CARD10: variants seen among roughly 807,000 people sequenced by gnomAD.
CARD10 encodes the protein caspase recruitment domain-containing protein 10.
In CARD10, 49 loss-of-function variants were observed where a neutral mutation model predicts 114.6. That is an observed-to-expected ratio of 0.43 (90% CI 0.34 to 0.54). The LOEUF is 0.54. Among genes scored for constraint, CARD10 ranks in the 20% least tolerant of loss-of-function variants. The pLI is 0.03. For synonymous variants in CARD10, 602 were observed against 593.2 expected, an observed-to-expected ratio of 1.01 and a Z score of -0.21; for missense variants, 1,206 against 1,397.2, an observed-to-expected ratio of 0.86 and a Z score of 2.18.
chr22:37,491,718 C>T (rs746920138), intron 19 of CARD10, 37 bp downstream of exon 19: 12 of 1,145,786 alleles, frequency 1.0e-5, no homozygotes, highest in Admixed American at 9.6e-5. Context: ...CTCTCAGGTC[C>T]GAGTGCCCTG....
chr22:37,508,046 TCA>T, intron 5 of CARD10, 92 bp from the exon 6 acceptor site: 4 of 1,481,418 alleles, frequency 2.7e-6, no homozygotes, highest in Non-Finnish European at 3.7e-6. Context: ...TGAGAGACGC[TCA>T]CCAACAGTCT....
At chr22:37,503,136 ACCTCCC>A (rs1168677031) in intron 10 of CARD10, 43 bp downstream of exon 10, 1 of 1,595,376 alleles carries the variant, frequency 6.3e-7, no homozygotes, top group Admixed American at 1.7e-5. Flanking sequence ...CTGCAAAGCC[ACCTCCC>A]CCGACCAGAG....
At chr22:37,506,143 C>T in intron 7 of CARD10, 49 bp downstream of exon 7, 1 of 1,405,734 alleles carries the variant, frequency 7.1e-7, no homozygotes, top group Non-Finnish European at 9.4e-7. Context: ...GAGCTCCTGC[C>T]AGGACCCCAG....
chr22:37,509,568 G>A (rs1923538671), intron 4 of CARD10, among the ~76,000 whole-genome samples: 1 of 148,778 alleles, frequency 6.7e-6, no homozygotes, highest in African/African-American at 2.5e-5. Flanking sequence ...TGTTTTCCGG[G>A]TCTGACCCCC....
intron 3 of CARD10, chr22:37,511,818 G>A (rs902936557): frequency 2.0e-5 from 3 of 152,238 alleles, no homozygotes; most frequent in Non-Finnish European, 4.4e-5. Context: ...CTCCACTCCA[G>A]AAGATTTGGC....
chr22:37,498,307 A>T (rs1351797669), intron 11 of CARD10, among the ~76,000 whole-genome samples: 1 of 152,074 alleles, frequency 6.6e-6, no homozygotes, highest in East Asian at 1.9e-4. Flanking sequence ...GACAATTAAG[A>T]CGTCACCAAA....
chr22:37,496,992 C>A lies in CARD10; in HGVS notation c.1947+27G>T, dbSNP rs768110180. ...CCTGGGCAAAAGCACTGACCCTACCCCCCCAGCTCAGGAGGCAGGGCCTCA... is the reference window on the plus strand; with the variant it reads ...CCTGGGCAAAAGCACTGACCCTACCACCCCAGCTCAGGAGGCAGGGCCTCA... On this transcript the variant is annotated intron_variant, in intron 12 of 19. Coordinates refer to ENST00000251973, the MANE Select transcript of CARD10 (RefSeq NM_014550.4). The surrounding 1 kb of genome is among the most constrained non-coding windows in gnomAD (Gnocchi z 4.1). 1 of 1,574,546 alleles carries A rather than the reference C, an allele frequency of 6.4e-7. No homozygotes were observed. Among genetic ancestry groups the A allele is most frequent in the Non-Finnish European group, 8.6e-7 (1 of 1,162,286 alleles).
In CARD10 at chr22:37,496,781, C is replaced by A; in HGVS notation, c.1948-221G>T. On this transcript the variant is annotated intron_variant, in intron 12 of 19. Coordinates refer to ENST00000251973, the MANE Select transcript of CARD10 (RefSeq NM_014550.4). The surrounding 1 kb of genome is among the most constrained non-coding windows in gnomAD (Gnocchi z 4.1). ...CCGCCCAGCTCATCCAGGTCTTTCTCGACTTGAAGCGCAGGAATGTAACGT... is the reference window on the plus strand; with the variant it reads ...CCGCCCAGCTCATCCAGGTCTTTCTAGACTTGAAGCGCAGGAATGTAACGT... The A allele has an allele frequency of 1.6e-6, 1 of 633,176 alleles. No homozygotes were observed. The highest frequency in any genetic ancestry group is 2.0e-5 in the South Asian group (1 of 50,816). 39.2% of individuals were successfully genotyped at this position (633,176 alleles called of 1,614,324 possible).
At chr22:37,491,719 G>T in intron 19 of CARD10, 36 bp downstream of exon 19, 2 of 1,295,030 alleles carry the variant, frequency 1.5e-6, no homozygotes, top group South Asian at 2.4e-5. Flanking sequence ...TCTCAGGTCC[G>T]AGTGCCCTGC....
Position 37,490,527 on chromosome 22 carries a change from T to C in CARD10, c.*632A>G, listed in dbSNP as rs898136022. The C allele has an allele frequency of 6.6e-6, 1 of 151,866 alleles. No individual in the cohort carries two copies. The highest frequency in any genetic ancestry group is 1.5e-5 in the Non-Finnish European group (1 of 68,008). 9.4% of individuals were successfully genotyped at this position (151,866 alleles called of 1,614,324 possible). On this transcript the variant is annotated 3_prime_UTR_variant, in exon 20 of 20. Transcript: ENST00000251973. ...GGGCCCTGTGAGGCACGGTCCTGAGTGTGCCCGCCAGGAACGCACACGTGT... is the reference window on the plus strand; with the variant it reads ...GGGCCCTGTGAGGCACGGTCCTGAGCGTGCCCGCCAGGAACGCACACGTGT...
At chr22:37,511,079 C>T (rs1923621746) in intron 3 of CARD10, among the ~76,000 whole-genome samples, 2 of 99,460 alleles carry the variant, frequency 2.0e-5, no homozygotes, top group South Asian at 6.5e-4. Context: ...AAGACTCTGT[C>T]TCAAAAAAAA....
In CARD10 at chr22:37,492,987, T is replaced by C. The variant is rs5756697; in HGVS notation, c.2477-185A>G. On this transcript the variant is annotated intron_variant, in intron 16 of 19. Coordinates refer to ENST00000251973, the MANE Select transcript of CARD10 (RefSeq NM_014550.4). The surrounding 1 kb of genome is among the most constrained non-coding windows in gnomAD (Gnocchi z 5.7). ...GGCAGTAGGCTCCTCCCTGATTCTC[T>C]GCCTCATCCCTGCCCCCTACGGGTC... is the stretch of plus-strand genomic sequence containing the variant. Among the ~76,000 whole-genome samples, 14,953 of 152,124 alleles carry C rather than the reference T, an allele frequency of 0.098. 881 individuals are homozygous for C. Among genetic ancestry groups the C allele is most frequent in the East Asian group, 0.26 (1,334 of 5,164 alleles).
At chr22:37,499,179 C>G (rs897510389) in intron 11 of CARD10, among the ~76,000 whole-genome samples, 1 of 152,048 alleles carries the variant, frequency 6.6e-6, no homozygotes. Flanking sequence ...TCAGATGGTC[C>G]GAGAAGCACA....
chr22:37,518,950 G>C lies in CARD10; in HGVS notation c.235+16C>G, dbSNP rs748062603. On this transcript the variant is annotated intron_variant, in intron 1 of 19. Coordinates refer to ENST00000251973, the MANE Select transcript of CARD10 (RefSeq NM_014550.4). Reference sequence around the variant, plus strand: ...GGCCGGCCCAGGTCGTGGCCCACTCGGGACCCGCGGCTCACCGGTGCGGTT... The same window carrying C: ...GGCCGGCCCAGGTCGTGGCCCACTCCGGACCCGCGGCTCACCGGTGCGGTT... 1 of 1,514,876 alleles carries C rather than the reference G, an allele frequency of 6.6e-7. No individual in the cohort carries two copies. The highest frequency in any genetic ancestry group is 1.2e-5 in the South Asian group (1 of 82,294). The allele number at this position is 1,514,876 out of a possible 1,614,324, so 93.8% of individuals were successfully genotyped here.
At chr22:37,516,406 C>G in intron 2 of CARD10, 108 bp from the exon 3 acceptor site, 1 of 765,508 alleles carries the variant, frequency 1.3e-6, no homozygotes, top group South Asian at 2.2e-5. Flanking sequence ...GAGGGAAATT[C>G]TGGAATATAT....
intron 6 of CARD10, 28 bp downstream of exon 6, chr22:37,507,801 G>A: frequency 2.5e-6 from 4 of 1,613,768 alleles, no homozygotes; most frequent in Non-Finnish European, 3.4e-6. Context: ...AACTGGCCCA[G>A]GGCCTCGTAC....
chr22:37,497,276 T>C, intron 11 of CARD10, 98 bp from the exon 12 acceptor site: 2 of 1,291,380 alleles, frequency 1.5e-6, no homozygotes, highest in Non-Finnish European at 2.1e-6. Context: ...TTCCCAAGTA[T>C]GCCATGACTC....
chr22:37,492,752 A>G lies in CARD10; in HGVS notation c.2527T>C (p.Ser843Pro). Residue 843 changes from serine to proline, a missense_variant, in exon 17 of 20, where the codon TCT becomes CCT. Coordinates refer to ENST00000251973, the MANE Select transcript of CARD10 (RefSeq NM_014550.4). The surrounding 1 kb of genome is among the most constrained non-coding windows in gnomAD (Gnocchi z 5.7). ...AACAGCACCACGGGCCGCAGGGCAG[A>G]CACCAGTAGCGGCCGCACCAAACTG... ...PYSLVRPLLV[S>P]ALRPVVLLPE... 1 of 1,612,922 alleles carries G rather than the reference A, an allele frequency of 6.2e-7. No homozygotes were observed. The highest frequency in any genetic ancestry group is 8.5e-7 in the Non-Finnish European group (1 of 1,179,910).
At chr22:37,502,783 T>A (rs1230511077) in intron 10 of CARD10, 58 bp from the exon 11 acceptor site, 3 of 1,575,278 alleles carry the variant, frequency 1.9e-6, no homozygotes, top group Admixed American at 3.6e-5. Flanking sequence ...ATGGCCAGGG[T>A]CCATGACAGG....
Sources: allele counts gnomAD v4.1 joint callset (sites outside exome capture counted in the v4.1 genomes callset), GRCh38; gene constraint gnomAD v4.1.1; non-coding constraint Gnocchi (gnomAD v3.1); transcripts MANE v1.5; gene names NCBI Gene and HGNC (gene_info 2026-07-23, HGNC 2026-07-21).